The following CCDC91 variants were observed in gnomAD, a reference collection of about 807,000 sequenced individuals.
CCDC91 encodes the protein coiled-coil domain-containing protein 91.
Under a neutral mutation model 63.2 loss-of-function variants are expected in CCDC91, and 48 were observed. The observed-to-expected ratio is 0.76, with a 90% CI of 0.60 to 0.97. The LOEUF is 0.97. Ranked by LOEUF, CCDC91 falls within the 50% of genes least tolerant of loss-of-function variation. The pLI is 0.00. For synonymous variants in CCDC91, 167 were observed against 165.8 expected (o/e 1.01, Z -0.06); for missense variants, 500 against 494.6 (o/e 1.01, Z -0.10).
At chr12:28,259,335 T>A in intron 2 of CCDC91, 29 bp from the exon 3 acceptor site, 4 of 1,563,570 alleles carry the variant, frequency 2.6e-6, no homozygotes, top group Middle Eastern at 1.7e-4. Flanking sequence ...TTTCACATCT[T>A]CTAAAATAAT....
At chr12:28,287,902 T>C (rs1034859141) in intron 3 of CCDC91, among the ~76,000 whole-genome samples, 2 of 152,206 alleles carry the variant, frequency 1.3e-5, no homozygotes, top group Admixed American at 6.5e-5. Flanking sequence ...TATTTCTCAT[T>C]GTAGAGGTCT....
intron 1 of CCDC91, among the ~76,000 whole-genome samples, chr12:28,221,245 CTTT>C (rs1943924639): frequency 6.6e-6 from 1 of 151,860 alleles, no homozygotes; most frequent in Non-Finnish European, 1.5e-5. Context: ...TCATTTGAAA[CTTT>C]TTTATATCTT....
At chr12:28,509,808 G>A (rs1173470899) in intron 12 of CCDC91, among the ~76,000 whole-genome samples, 1 of 151,834 alleles carries the variant, frequency 6.6e-6, no homozygotes, top group Admixed American at 6.6e-5. Context: ...TATTACAAGT[G>A]GGTATTAATA....
chr12:28,293,043 A>T (rs1592224954), intron 3 of CCDC91, among the ~76,000 whole-genome samples: 1 of 152,242 alleles, frequency 6.6e-6, no homozygotes, highest in African/African-American at 2.4e-5. Context: ...TTATGATTTA[A>T]ATAACAGGCA....
At chr12:28,442,930 TAAG>T (rs1565981047) in intron 8 of CCDC91, among the ~76,000 whole-genome samples, 1 of 152,040 alleles carries the variant, frequency 6.6e-6, no homozygotes, top group East Asian at 1.9e-4. Context: ...CTGTTTCCTA[TAAG>T]AAGAAAGGCC....
chr12:28,336,259 A>G (rs577925780), intron 6 of CCDC91, among the ~76,000 whole-genome samples: 1 of 152,266 alleles, frequency 6.6e-6, no homozygotes, highest in East Asian at 1.9e-4. Flanking sequence ...GCAGAAAGTA[A>G]TTACTAATTG....
At chr12:28,480,744 A>C (rs1051862755) in intron 11 of CCDC91, among the ~76,000 whole-genome samples, 6 of 152,178 alleles carry the variant, frequency 3.9e-5, no homozygotes, top group Non-Finnish European at 8.8e-5. Flanking sequence ...AAAATTAAAC[A>C]ACCACATAGT....
At chr12:28,481,230 C>A (rs1951429123) in intron 11 of CCDC91, among the ~76,000 whole-genome samples, 1 of 151,832 alleles carries the variant, frequency 6.6e-6, no homozygotes, top group Non-Finnish European at 1.5e-5. Flanking sequence ...CAATTGAGTA[C>A]CTTTCATTCC....
At chr12:28,270,374 T>C (rs1947676910) in intron 3 of CCDC91, among the ~76,000 whole-genome samples, 1 of 152,130 alleles carries the variant, frequency 6.6e-6, no homozygotes, top group Non-Finnish European at 1.5e-5. Flanking sequence ...ATCTGTCAAG[T>C]CTGAGGCCAT....
At chr12:28,227,469 A>G (rs746045321) in intron 1 of CCDC91, among the ~76,000 whole-genome samples, 7 of 152,008 alleles carry the variant, frequency 4.6e-5, no homozygotes, top group Non-Finnish European at 8.8e-5. Flanking sequence ...TTTCTAGTCA[A>G]CTTCCTATTA....
intron 7 of CCDC91, among the ~76,000 whole-genome samples, chr12:28,365,643 C>T (rs1321887231): frequency 6.6e-6 from 1 of 151,954 alleles, no homozygotes; most frequent in Non-Finnish European, 1.5e-5. Flanking sequence ...TTCTTTATAC[C>T]AGGGATTATT....
rs143233781 is a variant in CCDC91, at chr12:28,541,773, T to C, written c.1216-7290T>C. Among the ~76,000 whole-genome samples, 1,201 of 152,186 alleles carry C rather than the reference T, an allele frequency of 7.9e-3. 11 individuals are homozygous for C. The highest frequency in any genetic ancestry group is 0.015 in the Admixed American group (222 of 15,256). On this transcript the variant is annotated intron_variant, in intron 12 of 12. Transcript: ENST00000536442. ...GTAATCAAATTAGGTTGAAAAACTT[T>C]ATGTGGCCTGTTATATTAAGATAAG...
rs144533907 is a variant in CCDC91, at chr12:28,389,961, A to G, written c.655-1343A>G. ...GCCTTACATAAATTAATCATTGTGGAATCTTTGGAAGACACTGTAAATCAA... is the reference window on the plus strand; with the variant it reads ...GCCTTACATAAATTAATCATTGTGGGATCTTTGGAAGACACTGTAAATCAA... On this transcript the variant is annotated intron_variant, in intron 7 of 12. Coordinates refer to ENST00000536442, the MANE Select transcript of CCDC91 (RefSeq NM_018318.5). Among the ~76,000 whole-genome samples, 302 of 152,224 alleles carry G rather than the reference A, an allele frequency of 2.0e-3. 3 individuals are homozygous for G. The highest frequency in any genetic ancestry group is 6.8e-3 in the African/African-American group (284 of 41,560).
At chr12:28,353,324 T>G (rs540692545) in intron 6 of CCDC91, among the ~76,000 whole-genome samples, 2 of 152,362 alleles carry the variant, frequency 1.3e-5, no homozygotes, top group East Asian at 3.9e-4. Flanking sequence ...AATAAGGCTG[T>G]ATCACTTTCT....
rs1942853171 is a variant in CCDC91 at position 28,544,578 on chromosome 12, T to G, written c.1216-4485T>G. 2.0e-5 allele frequency among the ~76,000 whole-genome samples: 3 copies of G among 151,946 alleles called. No homozygotes were observed. The South Asian group carries it at 6.2e-4, about 31-fold the overall frequency. On this transcript the variant is annotated intron_variant, in intron 12 of 12. Transcript: ENST00000536442. The stretch of plus-strand genomic sequence containing the variant: ...TTTTGTTGGTAGAAGCTCAAAACAT[T>G]GAAAGTGCAATTAGTACTATGTGTA...
chr12:28,448,956 A>G (rs1259563686), intron 8 of CCDC91, among the ~76,000 whole-genome samples: 1 of 152,114 alleles, frequency 6.6e-6, no homozygotes, highest in Non-Finnish European at 1.5e-5. Flanking sequence ...ATTAATACTT[A>G]TACGTTAATT....
chr12:28,419,569 G>A (rs1947879491), intron 8 of CCDC91, among the ~76,000 whole-genome samples: 1 of 151,966 alleles, frequency 6.6e-6, no homozygotes, highest in Non-Finnish European at 1.5e-5. Flanking sequence ...TAGAATATTG[G>A]ACAAAATTTA....
chr12:28,472,468 A>G (rs1950869516), intron 11 of CCDC91, among the ~76,000 whole-genome samples: 1 of 152,232 alleles, frequency 6.6e-6, no homozygotes, highest in African/African-American at 2.4e-5. Flanking sequence ...AATTAAAAGT[A>G]TAATGGATTA....
chr12:28,404,231 T>C (rs1374866889), intron 8 of CCDC91, among the ~76,000 whole-genome samples: 2 of 152,090 alleles, frequency 1.3e-5, no homozygotes, highest in African/African-American at 4.8e-5. Flanking sequence ...AAAAATATTT[T>C]CAATATCTTT....
Sources: allele counts gnomAD v4.1 joint callset (sites outside exome capture counted in the v4.1 genomes callset), GRCh38; gene constraint gnomAD v4.1.1; transcripts MANE v1.5; gene names NCBI Gene and HGNC (gene_info 2026-07-23, HGNC 2026-07-21).